AGBL1: variants seen among roughly 807,000 people sequenced by gnomAD.
AGBL1 encodes cytosolic carboxypeptidase 4.
AGBL1 carries 130 observed loss-of-function variants against 118.9 expected under a neutral mutation model. The ratio of observed to expected loss-of-function variants is 1.09; its 90% CI spans 0.95 to 1.26. The LOEUF (loss-of-function observed/expected upper bound fraction) is 1.26. Ranked by LOEUF, AGBL1 falls within the 50% of genes most tolerant of loss-of-function variation. The probability of loss-of-function intolerance (pLI) is 0.00; values close to 1 mark genes in which losing one functional copy is unlikely to be tolerated. For missense variants in AGBL1, 1,584 were observed against 1,298.1 expected, an observed-to-expected ratio of 1.22 and a Z score of -3.38; for synonymous variants, 555 against 478.9, an observed-to-expected ratio of 1.16 and a Z score of -2.08.
At chr15:86,127,212 C>T (rs552837560) in intron 1 of AGBL1, among the ~76,000 whole-genome samples, 18 of 152,246 alleles carry the variant, frequency 1.2e-4, no homozygotes, top group African/African-American at 3.6e-4. Flanking sequence ...AGTATAAGGG[C>T]TTTGTGTTTT....
At chr15:86,665,160 A>G (rs958770067) in intron 21 of AGBL1, among the ~76,000 whole-genome samples, 13 of 152,170 alleles carry the variant, frequency 8.5e-5, no homozygotes, top group East Asian at 1.9e-4. Flanking sequence ...CATGATGTCA[A>G]TATTTCCACG....
intron 22 of AGBL1, among the ~76,000 whole-genome samples, chr15:86,795,340 G>A (rs1321078163): frequency 1.3e-5 from 2 of 152,056 alleles, no homozygotes; most frequent in African/African-American, 2.4e-5. Flanking sequence ...AAGCCTTCTG[G>A]GAATGAAGAG....
intron 22 of AGBL1, among the ~76,000 whole-genome samples, chr15:86,735,609 T>C (rs1262575556): frequency 1.4e-5 from 2 of 147,510 alleles, no homozygotes; most frequent in Non-Finnish European, 3.0e-5. Context: ...AGACTGTGTG[T>C]GTGTGTGTGT....
chr15:86,747,545 T>A (rs887131348), intron 22 of AGBL1, among the ~76,000 whole-genome samples: 29 of 152,314 alleles, frequency 1.9e-4, no homozygotes, highest in African/African-American at 7.0e-4. Context: ...TTGTTACATA[T>A]GTATACATGT....
At chr15:86,993,200 G>C (rs1378111048) in intron 24 of AGBL1, among the ~76,000 whole-genome samples, 2 of 152,202 alleles carry the variant, frequency 1.3e-5, no homozygotes, top group African/African-American at 4.8e-5. Context: ...GATAGACACA[G>C]TTCACTTAAT....
chr15:86,200,915 G>A (rs532787160), intron 5 of AGBL1, among the ~76,000 whole-genome samples: 2 of 151,880 alleles, frequency 1.3e-5, no homozygotes, highest in African/African-American at 4.8e-5. Context: ...TGTGCCTGGC[G>A]AGGAATCATG....
intron 1 of AGBL1, among the ~76,000 whole-genome samples, chr15:86,126,247 T>G (rs759611837): frequency 6.6e-6 from 1 of 152,200 alleles, no homozygotes; most frequent in Non-Finnish European, 1.5e-5. Flanking sequence ...ATAAGAAAGA[T>G]GAAATGTCAT....
At position 86,908,931 on chromosome 15, in the gene AGBL1, A is replaced by C. The variant is rs2080315477; in HGVS notation, c.*1637A>C. On this transcript the variant is annotated 3_prime_UTR_variant, in exon 23 of 23. Coordinates refer to ENST00000614907, the MANE Select transcript of AGBL1 (RefSeq NM_001386094.1). Reference sequence around the variant, plus strand: ...TTCCTGTGGAATTTTACACACTGGAAGACCAGTCCTAGTGTCATGGCTGCA... The same window carrying C: ...TTCCTGTGGAATTTTACACACTGGACGACCAGTCCTAGTGTCATGGCTGCA... 1 of 152,226 alleles carries C rather than the reference A, an allele frequency of 6.6e-6. No homozygotes were observed. The highest frequency in any genetic ancestry group is 6.5e-5 in the Admixed American group (1 of 15,286). 9.4% of individuals were successfully genotyped at this position (152,226 alleles called of 1,614,324 possible).
chr15:86,776,071 A>C (rs895146413), intron 22 of AGBL1, among the ~76,000 whole-genome samples: 31 of 152,288 alleles, frequency 2.0e-4, no homozygotes, highest in African/African-American at 7.0e-4. Flanking sequence ...ATGATTGTTC[A>C]GTGGTCATCA....
At chr15:86,414,475 G>A (rs1029014052) in intron 18 of AGBL1, among the ~76,000 whole-genome samples, 3 of 151,728 alleles carry the variant, frequency 2.0e-5, no homozygotes, top group African/African-American at 7.2e-5. Flanking sequence ...AAGAGTGATA[G>A]TATCTCCAGA....
intron 22 of AGBL1, among the ~76,000 whole-genome samples, chr15:86,675,105 A>G (rs1251816168): frequency 6.6e-6 from 1 of 152,192 alleles, no homozygotes; most frequent in East Asian, 1.9e-4. Context: ...GGAAGAAATA[A>G]TGGGCATGTG....
chr15:86,399,432 G>A (rs16976775), intron 18 of AGBL1, among the ~76,000 whole-genome samples: 6,695 of 152,130 alleles, frequency 0.044, 231 homozygotes, highest in East Asian at 0.15. Flanking sequence ...TCTCTCCTTC[G>A]CTGGAATTGT....
chr15:86,838,747 C>T (rs1341383163), intron 22 of AGBL1, among the ~76,000 whole-genome samples: 1 of 151,316 alleles, frequency 6.6e-6, no homozygotes, highest in African/African-American at 2.4e-5. Flanking sequence ...TGAGACCAGC[C>T]AGGGCAACAT....
At chr15:86,859,463 G>A (rs2079530404) in intron 22 of AGBL1, among the ~76,000 whole-genome samples, 1 of 152,282 alleles carries the variant, frequency 6.6e-6, no homozygotes, top group Middle Eastern at 3.4e-3. Context: ...AGTTGAGAGT[G>A]GCCTTTAACC....
intron 21 of AGBL1, among the ~76,000 whole-genome samples, chr15:86,656,095 TAATA>T (rs1256384449): frequency 6.6e-6 from 1 of 152,124 alleles, no homozygotes; most frequent in African/African-American, 2.4e-5. Flanking sequence ...ACCTGCAGTG[TAATA>T]GATAAAATCA....
chr15:86,384,094 T>G (rs749390851), intron 17 of AGBL1, among the ~76,000 whole-genome samples: 4 of 152,168 alleles, frequency 2.6e-5, no homozygotes, highest in Non-Finnish European at 5.9e-5. Context: ...GTGTCTAGAT[T>G]GCTGTACCGC....
intron 7 of AGBL1, among the ~76,000 whole-genome samples, chr15:86,248,588 T>A (rs2078758561): frequency 6.6e-6 from 1 of 152,064 alleles, no homozygotes; most frequent in Admixed American, 6.6e-5. Flanking sequence ...ACTAAATAAG[T>A]TATTGTAGAA....
At chr15:86,553,787 T>G (rs1325846619) in intron 20 of AGBL1, among the ~76,000 whole-genome samples, 1 of 152,166 alleles carries the variant, frequency 6.6e-6, no homozygotes, top group Non-Finnish European at 1.5e-5. Context: ...ATTGAAAGAT[T>G]ATGGAGTTGG....
At chr15:86,716,892 C>T (rs147420752) in intron 22 of AGBL1, among the ~76,000 whole-genome samples, 351 of 152,246 alleles carry the variant, frequency 2.3e-3, no homozygotes, top group African/African-American at 7.5e-3. Context: ...AACCCTTGTC[C>T]GGCCATTTAT....
Sources: gnomAD v4.1 joint callset for allele counts (sites outside exome capture counted in the v4.1 genomes callset) on GRCh38, gnomAD v4.1.1 for gene constraint, MANE v1.5 for transcripts, NCBI Gene and HGNC (gene_info 2026-07-23, HGNC 2026-07-21) for gene names.